Variants in XPR1 observed in about 807,000 individuals in gnomAD.
The protein encoded by XPR1 is solute carrier family 53 member 1.
Under a neutral mutation model 87.5 loss-of-function variants are expected in XPR1, and 28 were observed. That is an observed-to-expected ratio of 0.32 (90% CI 0.24 to 0.44). The LOEUF (loss-of-function observed/expected upper bound fraction) is 0.44, where lower values mean the gene tolerates loss of function less well. Ranked by LOEUF, XPR1 falls within the 20% of genes least tolerant of loss-of-function variation. XPR1 has a pLI of 1.00. For missense variants in XPR1, 559 were observed against 862.3 expected (o/e 0.65, Z 4.41); for synonymous variants, 300 against 306.1 (o/e 0.98, Z 0.21).
intron 1 of XPR1, among the ~76,000 whole-genome samples, chr1:180,666,367 C>T (rs988109584): frequency 7.2e-5 from 11 of 152,090 alleles, no homozygotes; most frequent in African/African-American, 2.4e-4. Context: ...AATTGTAGAT[C>T]GCTTTGAGTA....
intron 3 of XPR1, among the ~76,000 whole-genome samples, chr1:180,788,413 A>G (rs951054528): frequency 6.6e-6 from 1 of 152,166 alleles, no homozygotes; most frequent in Non-Finnish European, 1.5e-5. Flanking sequence ...CAATGTCTTT[A>G]TAGTGAAAAA....
At position 180,887,738 on chromosome 1, in the gene XPR1, G is replaced by A. The variant is rs531110180; in HGVS notation, c.*3672G>A. 6.6e-6 allele frequency: 1 copy of A among 152,202 alleles called. No homozygotes were observed. The highest frequency in any genetic ancestry group is 1.5e-5 in the Non-Finnish European group (1 of 68,044). 9.4% of individuals were successfully genotyped at this position (152,202 alleles called of 1,614,324 possible). ...GAAGGAAAATGGGCCCCAGCCCCTA[G>A]GATCCCTGACTTCCTGATATTCTAA... On this transcript the variant is annotated 3_prime_UTR_variant, in exon 15 of 15. Transcript: ENST00000367590.
intron 9 of XPR1, among the ~76,000 whole-genome samples, chr1:180,828,221 G>A (rs1650928542): frequency 6.6e-6 from 1 of 152,034 alleles, no homozygotes; most frequent in Non-Finnish European, 1.5e-5. Flanking sequence ...CATAATGGTA[G>A]GCACTGGGTG....
At position 180,787,793 on chromosome 1, in the gene XPR1, T is replaced by G. The variant is rs753685039; in HGVS notation, c.162T>G (p.Phe54Leu). ...EDTVKRYFAK[F>L]EEKFFQTCEK... is the part of the protein sequence containing the mutation. ...CAGTAAAGAGGTATTTTGCCAAGTTTGAAGAGAAGTTTTTCCAAACCTGTG... is the reference window on the plus strand; with the variant it reads ...CAGTAAAGAGGTATTTTGCCAAGTTGGAAGAGAAGTTTTTCCAAACCTGTG... Residue 54 changes from phenylalanine to leucine, a missense_variant, in exon 3 of 15, where the codon TTT (phenylalanine) becomes TTG (leucine). Physicochemically the swap from Phe to Leu is conservative, Grantham distance 22. This residue lies in a region of XPR1 where 159 missense variants were observed against 263.3 expected (regional missense o/e 0.60). Coordinates refer to ENST00000367590, the MANE Select transcript of XPR1 (RefSeq NM_004736.4). 6.2e-7 allele frequency: 1 copy of G among 1,613,584 alleles called. No individual in the cohort carries two copies. Among genetic ancestry groups the G allele is most frequent in the Non-Finnish European group, 8.5e-7 (1 of 1,179,850 alleles).
Position 180,885,682 on chromosome 1 carries a change from T to C in XPR1, c.*1616T>C, listed in dbSNP as rs183598951. The C allele has an allele frequency of 6.6e-6, 1 of 152,300 alleles. No individual in the cohort carries two copies. Among genetic ancestry groups the C allele is most frequent in the African/African-American group, 2.4e-5 (1 of 41,578 alleles). 9.4% of individuals were successfully genotyped at this position (152,300 alleles called of 1,614,324 possible). A position where few individuals can be genotyped will look rare whatever the true frequency, so the allele number is the denominator to read the frequency against. On this transcript the variant is annotated 3_prime_UTR_variant, in exon 15 of 15. Transcript: ENST00000367590. ...TACCAGCAGATTCATGAAAGTAAAT[T>C]TAGTCCTATAATTTTCAGCTTAATT...
intron 14 of XPR1, among the ~76,000 whole-genome samples, chr1:180,881,123 C>CT (rs1218975833): frequency 1.3e-5 from 2 of 151,682 alleles, no homozygotes; most frequent in Non-Finnish European, 2.9e-5. Flanking sequence ...TTGTAAAAGG[C>CT]TGAAAATGCA....
intron 2 of XPR1, among the ~76,000 whole-genome samples, chr1:180,783,534 C>T (rs890122695): frequency 8.6e-5 from 13 of 151,950 alleles, no homozygotes; most frequent in Non-Finnish European, 1.3e-4. Flanking sequence ...TCCTTGCAAT[C>T]TTTCTATGAA....
At chr1:180,805,834 A>G (rs906891515) in intron 4 of XPR1, among the ~76,000 whole-genome samples, 5 of 152,230 alleles carry the variant, frequency 3.3e-5, no homozygotes, top group African/African-American at 9.6e-5. Flanking sequence ...TAGGGTTCAT[A>G]GTTCAGGGTT....
At chr1:180,703,835 C>T (rs774020292) in intron 2 of XPR1, among the ~76,000 whole-genome samples, 1 of 152,124 alleles carries the variant, frequency 6.6e-6, no homozygotes, top group Non-Finnish European at 1.5e-5. Flanking sequence ...ATGAATTAAT[C>T]TGGTCCTTAG....
chr1:180,809,684 G>C (rs1650140297), intron 6 of XPR1, among the ~76,000 whole-genome samples: 1 of 152,064 alleles, frequency 6.6e-6, no homozygotes, highest in South Asian at 2.1e-4. Flanking sequence ...GCGGAGGGAA[G>C]GTTTTGGGAT....
chr1:180,720,961 G>A (rs749759021), intron 2 of XPR1, among the ~76,000 whole-genome samples: 1 of 152,080 alleles, frequency 6.6e-6, no homozygotes, highest in Non-Finnish European at 1.5e-5. Flanking sequence ...GAGGCCAGGC[G>A]TGGTGACTCA....
intron 2 of XPR1, among the ~76,000 whole-genome samples, chr1:180,761,848 G>A (rs1043849353): frequency 1.7e-4 from 26 of 152,126 alleles, no homozygotes; most frequent in African/African-American, 4.1e-4. Flanking sequence ...ACTATTCACA[G>A]TAGCAAAGAC....
At chr1:180,667,376 TGTG>T (rs1655999220) in intron 1 of XPR1, among the ~76,000 whole-genome samples, 1 of 152,244 alleles carries the variant, frequency 6.6e-6, no homozygotes, top group African/African-American at 2.4e-5. Context: ...ATTCTGTTAA[TGTG>T]GTGTATTACA....
intron 2 of XPR1, among the ~76,000 whole-genome samples, chr1:180,714,073 G>A (rs563989386): frequency 2.6e-5 from 4 of 152,250 alleles, no homozygotes; most frequent in African/African-American, 4.8e-5. Context: ...ACTCTTGATA[G>A]TTGGTATCTT....
chr1:180,817,798 G>A (rs374239436), intron 7 of XPR1, among the ~76,000 whole-genome samples: 4 of 152,172 alleles, frequency 2.6e-5, no homozygotes, highest in African/African-American at 4.8e-5. Context: ...GATAGCAATT[G>A]GAAAGAATAT....
chr1:180,844,152 A>T (rs1168489456), intron 11 of XPR1, among the ~76,000 whole-genome samples: 1 of 152,158 alleles, frequency 6.6e-6, no homozygotes, highest in Admixed American at 6.5e-5. Flanking sequence ...CGGAGGTTGC[A>T]GTGAGCCGAG....
intron 9 of XPR1, among the ~76,000 whole-genome samples, chr1:180,832,083 G>A (rs4265395): frequency 0.48 from 72,220 of 151,536 alleles, 17,635 homozygotes; most frequent in African/African-American, 0.5. Context: ...TTTAATGATT[G>A]CCATTCTAAC....
intron 2 of XPR1, among the ~76,000 whole-genome samples, chr1:180,732,425 A>G (rs984572010): frequency 6.6e-6 from 1 of 152,174 alleles, no homozygotes; most frequent in Non-Finnish European, 1.5e-5. Flanking sequence ...TAATATTCTC[A>G]TAATTTTAAG....
chr1:180,861,571 T>C (rs1408185084), intron 11 of XPR1, among the ~76,000 whole-genome samples: 2 of 152,140 alleles, frequency 1.3e-5, no homozygotes, highest in African/African-American at 4.8e-5. Flanking sequence ...AGTATAAATA[T>C]TCAGCTCAAT....
Sources: gnomAD v4.1 joint callset for allele counts (sites outside exome capture counted in the v4.1 genomes callset) on GRCh38, gnomAD v4.1.1 for gene constraint, gnomAD v4.1.1 regional missense constraint, MANE v1.5 for transcripts, NCBI Gene and HGNC (gene_info 2026-07-23, HGNC 2026-07-21) for gene names.